The following ASCC3 variants were observed in gnomAD, a reference collection of about 807,000 sequenced individuals.
ASCC3 encodes activating signal cointegrator 1 complex subunit 3.
Under a neutral mutation model 256.3 loss-of-function variants are expected in ASCC3, and 158 were observed. The observed-to-expected ratio is 0.62, with a 90% confidence interval of 0.54 to 0.70. ASCC3 has a LOEUF of 0.70. Among genes scored for constraint, ASCC3 ranks in the 30% least tolerant of loss-of-function variants. ASCC3 has a pLI of 0.00. For synonymous variants in ASCC3, 948 were observed against 883.4 expected (o/e 1.07, Z -1.30); for missense variants, 2,259 against 2,626.0 (o/e 0.86, Z 3.05).
intron 34 of ASCC3, among the ~76,000 whole-genome samples, chr6:100,597,769 G>A (rs1772373590): frequency 7.0e-6 from 1 of 143,642 alleles, no homozygotes; most frequent in African/African-American, 2.6e-5. Flanking sequence ...TCAGAAGATG[G>A]AGACCATTCT....
At chr6:100,611,379 A>T (rs1243640425) in intron 30 of ASCC3, among the ~76,000 whole-genome samples, 4 of 152,080 alleles carry the variant, frequency 2.6e-5, no homozygotes, top group African/African-American at 9.7e-5. Context: ...TTGAAAATCT[A>T]ATTTTTTGGA....
intron 37 of ASCC3, among the ~76,000 whole-genome samples, chr6:100,531,390 C>T (rs1313552444): frequency 6.6e-6 from 1 of 152,146 alleles, no homozygotes; most frequent in African/African-American, 2.4e-5. Flanking sequence ...AAGCACAATG[C>T]TGTCTTCATC....
At chr6:100,630,752 T>C (rs974291839) in intron 26 of ASCC3, among the ~76,000 whole-genome samples, 1 of 152,040 alleles carries the variant, frequency 6.6e-6, no homozygotes, top group African/African-American at 2.4e-5. Context: ...ATAATTTACA[T>C]GCAAAATGCC....
chr6:100,774,568 T>C (rs1782097608), intron 8 of ASCC3, among the ~76,000 whole-genome samples: 1 of 152,174 alleles, frequency 6.6e-6, no homozygotes, highest in African/African-American at 2.4e-5. Flanking sequence ...GGTTTCAGCA[T>C]GTTAGCCAGG....
intron 4 of ASCC3, among the ~76,000 whole-genome samples, chr6:100,813,383 G>A (rs537298132): frequency 1.5e-4 from 23 of 152,122 alleles, no homozygotes; most frequent in Admixed American, 1.3e-3. Context: ...TTGAACCTGG[G>A]GAGGCAGAGG....
chr6:100,854,502 G>A (rs1772842447), intron 3 of ASCC3, among the ~76,000 whole-genome samples: 1 of 151,996 alleles, frequency 6.6e-6, no homozygotes, highest in Non-Finnish European at 1.5e-5. Context: ...CCTTTGGGAT[G>A]AACAAATAAA....
At chr6:100,577,027 T>TA (rs79109773) in intron 36 of ASCC3, among the ~76,000 whole-genome samples, 150 of 134,854 alleles carry the variant, frequency 1.1e-3, no homozygotes, top group Middle Eastern at 3.8e-3. Flanking sequence ...ACTGCCACAT[T>TA]AAAAAAAAAA....
chr6:100,759,263 T>C (rs1257842943), intron 10 of ASCC3, among the ~76,000 whole-genome samples: 3 of 152,234 alleles, frequency 2.0e-5, no homozygotes, highest in African/African-American at 7.2e-5. Flanking sequence ...TTTGTCAATT[T>C]TGGCTTTTGT....
chr6:100,656,547 T>C (rs2114921963), intron 16 of ASCC3, among the ~76,000 whole-genome samples: 1 of 151,730 alleles, frequency 6.6e-6, no homozygotes, highest in East Asian at 1.9e-4. Context: ...ATTCTTCAGA[T>C]TGTATCTTGA....
intron 10 of ASCC3, among the ~76,000 whole-genome samples, chr6:100,742,553 A>G (rs1451703962): frequency 1.3e-5 from 2 of 152,230 alleles, no homozygotes; most frequent in Admixed American, 6.5e-5. Context: ...CCCTGTCTGT[A>G]TAACACTGGC....
At chr6:100,866,217 G>A (rs1393821228) in intron 2 of ASCC3, among the ~76,000 whole-genome samples, 3 of 152,098 alleles carry the variant, frequency 2.0e-5, no homozygotes, top group Non-Finnish European at 4.4e-5. Context: ...TGATCCACCC[G>A]CCTAGGCCTT....
intron 4 of ASCC3, among the ~76,000 whole-genome samples, chr6:100,822,478 A>G (rs1372342194): frequency 6.6e-6 from 1 of 151,228 alleles, no homozygotes; most frequent in Non-Finnish European, 1.5e-5. Context: ...CAGAGGTTGC[A>G]GTGATCCAAG....
Position 100,642,967 on chromosome 6 carries a change from T to G in ASCC3, c.3733-218A>C, listed in dbSNP as rs77451763. ...GTAAAATTTTATGGCTAATTTATATTATTTACATATGCATATAATCATGTA... is the reference window on the plus strand; with the variant it reads ...GTAAAATTTTATGGCTAATTTATATGATTTACATATGCATATAATCATGTA... On this transcript the variant is annotated intron_variant, in intron 23 of 41. Coordinates refer to ENST00000369162, the MANE Select transcript of ASCC3 (RefSeq NM_006828.4). Among the ~76,000 whole-genome samples the G allele has an allele frequency of 2.0e-5, 3 of 152,280 alleles. No individual in the cohort carries two copies. The East Asian group carries it at 5.8e-4, about 29-fold the overall frequency.
chr6:100,555,070 G>C (rs1304646571), intron 36 of ASCC3, among the ~76,000 whole-genome samples: 2 of 151,440 alleles, frequency 1.3e-5, no homozygotes, highest in Admixed American at 1.3e-4. Flanking sequence ...TATTTATATT[G>C]ACCAGAAAAT....
At chr6:100,733,187 C>T (rs1779988361) in intron 10 of ASCC3, among the ~76,000 whole-genome samples, 1 of 152,116 alleles carries the variant, frequency 6.6e-6, no homozygotes, top group Non-Finnish European at 1.5e-5. Flanking sequence ...AAGAGAACCT[C>T]AATAAAAGTG....
chr6:100,695,075 T>C (rs1778021476), intron 13 of ASCC3, among the ~76,000 whole-genome samples: 1 of 152,180 alleles, frequency 6.6e-6, no homozygotes, highest in Non-Finnish European at 1.5e-5. Context: ...TACTAAGACA[T>C]AACTTCACTT....
intron 8 of ASCC3, among the ~76,000 whole-genome samples, chr6:100,778,121 T>G (rs1369611554): frequency 2.0e-5 from 3 of 149,620 alleles, no homozygotes; most frequent in South Asian, 2.1e-4. Context: ...AAAAGAGAGA[T>G]AAATCAAAGA....
chr6:100,720,744 G>T (rs1206037319), intron 11 of ASCC3, among the ~76,000 whole-genome samples: 3 of 150,992 alleles, frequency 2.0e-5, no homozygotes, highest in Non-Finnish European at 3.0e-5. Flanking sequence ...GGGCAAAGTA[G>T]TACAAAACGA....
chr6:100,546,453 C>T (rs564219647), intron 36 of ASCC3, among the ~76,000 whole-genome samples: 2 of 152,228 alleles, frequency 1.3e-5, no homozygotes, highest in Admixed American at 6.5e-5. Flanking sequence ...GAAGAGCTAG[C>T]CCTACATTAT....
Sources: allele counts gnomAD v4.1 joint callset (sites outside exome capture counted in the v4.1 genomes callset), GRCh38; gene constraint gnomAD v4.1.1; transcripts MANE v1.5; gene names NCBI Gene and HGNC (gene_info 2026-07-23, HGNC 2026-07-21).